The following ULK2 variants were observed in gnomAD, a reference collection of about 807,000 sequenced individuals.
ULK2 encodes unc-51 like autophagy activating kinase 2, also known as serine/threonine-protein kinase ULK2.
A neutral mutation model predicts 127.5 loss-of-function variants in ULK2; 76 were observed. The ratio of observed to expected loss-of-function variants is 0.60; its 90% CI spans 0.50 to 0.72. The LOEUF (loss-of-function observed/expected upper bound fraction) is 0.72. ULK2 is among the 30% of genes least tolerant of loss of function. The pLI, the probability that ULK2 is intolerant of heterozygous loss-of-function variation, is 0.00. For synonymous variants in ULK2, 452 were observed against 461.9 expected (o/e 0.98, Z 0.28); for missense variants, 1,144 against 1,295.9 (o/e 0.88, Z 1.80).
chr17:19,825,222 T>A (rs1477168424), intron 11 of ULK2, 40 bp from the exon 12 acceptor site: 1 of 1,561,966 alleles, frequency 6.4e-7, no homozygotes, highest in African/African-American at 1.4e-5. Context: ...CATTTTGTAG[T>A]GCAGTCACAT....
At chr17:19,821,396 G>C (rs1383598146) in intron 12 of ULK2, among the ~76,000 whole-genome samples, 1 of 142,386 alleles carries the variant, frequency 7.0e-6, no homozygotes, top group African/African-American at 2.7e-5. Flanking sequence ...AGAGTGATTT[G>C]GAGTTTTTTT....
chr17:19,851,722 G>C (rs1183133842), intron 3 of ULK2, among the ~76,000 whole-genome samples: 2 of 151,850 alleles, frequency 1.3e-5, no homozygotes, highest in Non-Finnish European at 2.9e-5. Context: ...GAAATAGAGA[G>C]GTATAAGAAG....
chr17:19,780,422 C>CTT, intron 25 of ULK2, 50 bp downstream of exon 25: 1 of 1,461,098 alleles, frequency 6.8e-7, no homozygotes, highest in Admixed American at 2.3e-5. Flanking sequence ...ATTAAAAAGA[C>CTT]ACTTAAAGAT....
intron 26 of ULK2, 69 bp downstream of exon 26, chr17:19,777,512 T>C (rs957010251): frequency 6.7e-7 from 1 of 1,502,268 alleles, no homozygotes; most frequent in Non-Finnish European, 8.9e-7. Context: ...CTCCAAGCTC[T>C]TTGTACTATG....
At chr17:19,827,910 CAAAA>C (rs777107343) in intron 10 of ULK2, among the ~76,000 whole-genome samples, 2 of 92,344 alleles carry the variant, frequency 2.2e-5, no homozygotes, top group East Asian at 3.4e-4. Context: ...AACTCTGTCT[CAAAA>C]AAAAAAAAAA....
At chr17:19,837,966 T>A (rs1316753244) in intron 10 of ULK2, among the ~76,000 whole-genome samples, 2 of 152,176 alleles carry the variant, frequency 1.3e-5, no homozygotes, top group Non-Finnish European at 2.9e-5. Flanking sequence ...TCACACTTTG[T>A]GGAAAAGCCC....
rs1244341499 is a variant in ULK2, at chr17:19,781,942, C to A, written c.2586G>T (p.Gln862His). 6.2e-7 allele frequency: 1 copy of A among 1,614,100 alleles called. No homozygotes were observed. Among genetic ancestry groups the A allele is most frequent in the Non-Finnish European group, 8.5e-7 (1 of 1,180,056 alleles). Reference sequence around the variant, plus strand: ...GGTCCACCACCACACTCTCCTGGATCTGGTACAAGGACACAGCAGATGTGC... The same window carrying A: ...GGTCCACCACCACACTCTCCTGGATATGGTACAAGGACACAGCAGATGTGC... The part of the protein sequence containing the change: ...ELCTSAVSLY[Q>H]IQESVVVDQI... The change falls in exon 23 of 27, where the codon CAG becomes CAT. Residue 862 changes from glutamine (Q) to histidine (H), a missense_variant. By Grantham distance (24) the Gln-to-His change is conservative. Coordinates refer to ENST00000395544, the MANE Select transcript of ULK2 (RefSeq NM_014683.4).
chr17:19,849,068 T>C (rs2041958587), intron 5 of ULK2, among the ~76,000 whole-genome samples: 1 of 152,162 alleles, frequency 6.6e-6, no homozygotes, highest in Admixed American at 6.6e-5. Flanking sequence ...TCAAGCCTTT[T>C]GAAGGAGAGG....
At chr17:19,780,935 A>C in intron 24 of ULK2, 51 bp downstream of exon 24, 1 of 1,527,440 alleles carries the variant, frequency 6.5e-7, no homozygotes, top group Non-Finnish European at 9.1e-7. Context: ...GTGATGGGAA[A>C]GAGCAACTTA....
At chr17:19,852,451 G>A (rs1329435086) in intron 3 of ULK2, among the ~76,000 whole-genome samples, 4 of 143,250 alleles carry the variant, frequency 2.8e-5, no homozygotes, top group South Asian at 2.3e-4. Context: ...AACCCAGGAG[G>A]CAGAGCTTGC....
chr17:19,793,799 C>G (rs904646250), intron 20 of ULK2, among the ~76,000 whole-genome samples: 2 of 152,082 alleles, frequency 1.3e-5, no homozygotes, highest in African/African-American at 4.8e-5. Flanking sequence ...TACATCATAC[C>G]CAGCCTCAAT....
Position 19,784,602 on chromosome 17 carries a change from C to A in ULK2, c.2252-697G>T, listed in dbSNP as rs1302842301. 2.1e-5 allele frequency among the ~76,000 whole-genome samples: 3 copies of A among 141,072 alleles called. No individual in the cohort carries two copies. In the East Asian group the frequency reaches 6.4e-4, roughly 30 times the overall value. 92.5% of individuals were successfully genotyped at this position (141,072 alleles called of 152,430 possible). A position where few individuals can be genotyped will look rare whatever the true frequency, so the allele number is the denominator to read the frequency against. On this transcript the variant is annotated intron_variant, in intron 21 of 26. Coordinates refer to ENST00000395544, the MANE Select transcript of ULK2 (RefSeq NM_014683.4). ...GCAGTGGCGTGATCACAGCTCACTGCAGCCTTGATTTTCTGGGCTCAGGTA... is the reference window on the plus strand; with the variant it reads ...GCAGTGGCGTGATCACAGCTCACTGAAGCCTTGATTTTCTGGGCTCAGGTA...
chr17:19,786,255 A>G (rs1312399651), intron 20 of ULK2, among the ~76,000 whole-genome samples, 169 bp from the exon 21 acceptor site: 3 of 152,168 alleles, frequency 2.0e-5, no homozygotes, highest in African/African-American at 7.2e-5. Context: ...ACGTAATACA[A>G]TATTTTCATT....
chr17:19,830,712 A>G (rs757521621), intron 10 of ULK2, among the ~76,000 whole-genome samples: 9 of 151,696 alleles, frequency 5.9e-5, no homozygotes, highest in Admixed American at 1.3e-4. Flanking sequence ...CTCTTGTGTT[A>G]CTCTGTTTTC....
intron 20 of ULK2, among the ~76,000 whole-genome samples, chr17:19,790,978 C>T (rs902287275): frequency 2.6e-5 from 4 of 151,882 alleles, no homozygotes; most frequent in African/African-American, 9.7e-5. Flanking sequence ...GATATATACG[C>T]ACCCTACACG....
intron 10 of ULK2, among the ~76,000 whole-genome samples, chr17:19,828,343 G>A (rs747515840): frequency 5.3e-5 from 8 of 152,172 alleles, no homozygotes; most frequent in Admixed American, 4.6e-4. Context: ...AAAGATAAAT[G>A]CACTGGCAAT....
At chr17:19,780,340 T>C in intron 25 of ULK2, 132 bp downstream of exon 25, 1 of 737,050 alleles carries the variant, frequency 1.4e-6, no homozygotes, top group Non-Finnish European at 2.0e-6. Context: ...ACTTCTTTAG[T>C]AGAAGGCAAT....
At chr17:19,859,152 T>C (rs1308858497) in intron 3 of ULK2, among the ~76,000 whole-genome samples, 1 of 151,182 alleles carries the variant, frequency 6.6e-6, no homozygotes. Context: ...TTTAAAAATG[T>C]TTTAAAAGAT....
chr17:19,833,015 C>T (rs1048674011), intron 10 of ULK2, among the ~76,000 whole-genome samples: 5 of 150,348 alleles, frequency 3.3e-5, no homozygotes, highest in African/African-American at 1.2e-4. Context: ...CCCAGCTACT[C>T]GGGAGGCTGA....
Sources: allele counts gnomAD v4.1 joint callset (sites outside exome capture counted in the v4.1 genomes callset), GRCh38; gene constraint gnomAD v4.1.1; transcripts MANE v1.5; gene names NCBI Gene and HGNC (gene_info 2026-07-23, HGNC 2026-07-21).